The following PARD3 variants were observed in gnomAD, a reference collection of about 807,000 sequenced individuals.
The protein encoded by PARD3 is par-3 family cell polarity regulator.
A neutral mutation model predicts 155.4 loss-of-function variants in PARD3; 75 were observed. The observed-to-expected ratio is 0.48, with a 90% CI of 0.40 to 0.58. The LOEUF (loss-of-function observed/expected upper bound fraction) is 0.58. Ranked by LOEUF, PARD3 falls within the 20% of genes least tolerant of loss-of-function variation. The probability of loss-of-function intolerance (pLI) is 0.00; values close to 1 mark genes in which losing one functional copy is unlikely to be tolerated. For missense variants in PARD3, 1,642 were observed against 1,721.7 expected (o/e 0.95, Z 0.82); for synonymous variants, 576 against 610.5 (o/e 0.94, Z 0.83).
At chr10:34,695,447 C>T (rs910191733) in intron 2 of PARD3, among the ~76,000 whole-genome samples, 1 of 138,540 alleles carries the variant, frequency 7.2e-6, no homozygotes, top group African/African-American at 2.7e-5. Flanking sequence ...CACTGCATTC[C>T]AGTCTGGGCA....
chr10:34,487,708 A>G (rs1589750645), intron 3 of PARD3, among the ~76,000 whole-genome samples: 2 of 152,118 alleles, frequency 1.3e-5, no homozygotes, highest in Non-Finnish European at 2.9e-5. Context: ...CCTTATGAGA[A>G]TATCTGAGTG....
At chr10:34,471,456 C>G (rs2078338116) in intron 3 of PARD3, among the ~76,000 whole-genome samples, 1 of 152,174 alleles carries the variant, frequency 6.6e-6, no homozygotes, top group Admixed American at 6.5e-5. Context: ...TGAAATCACT[C>G]AAAAACATAA....
intron 21 of PARD3, among the ~76,000 whole-genome samples, chr10:34,283,556 C>T (rs909874368): frequency 6.6e-6 from 1 of 151,968 alleles, no homozygotes; most frequent in African/African-American, 2.4e-5. Flanking sequence ...GGAAATGATT[C>T]AACAATAGGT....
At chr10:34,502,163 A>T (rs1485219630) in intron 3 of PARD3, among the ~76,000 whole-genome samples, 2 of 152,208 alleles carry the variant, frequency 1.3e-5, no homozygotes, top group South Asian at 2.1e-4. Context: ...CTGTTGAAGC[A>T]GCCTGAATGG....
At chr10:34,174,626 G>T (rs1949954301) in intron 22 of PARD3, among the ~76,000 whole-genome samples, 1 of 152,170 alleles carries the variant, frequency 6.6e-6, no homozygotes, top group Non-Finnish European at 1.5e-5. Flanking sequence ...ATGAAGTAAG[G>T]AAGTCATCAA....
rs779597075 is a variant in PARD3 at position 34,802,347 on chromosome 10, A to G, written c.120+12529T>C. Among the ~76,000 whole-genome samples the G allele has an allele frequency of 6.6e-5, 10 of 152,222 alleles. 1 individual carries two copies. The highest frequency in any genetic ancestry group is 1.3e-4 in the Non-Finnish European group (9 of 68,030). On this transcript the variant is annotated intron_variant, in intron 1 of 24. Coordinates refer to ENST00000374788, the MANE Select transcript of PARD3 (RefSeq NM_001184785.2). ...AAAACAACACTTGATGTCATAAACAAGAATCAAGCTGATTTTGTGAAATAG... is the reference window on the plus strand; with the variant it reads ...AAAACAACACTTGATGTCATAAACAGGAATCAAGCTGATTTTGTGAAATAG...
At chr10:34,665,895 C>A (rs1344256433) in intron 2 of PARD3, among the ~76,000 whole-genome samples, 2 of 142,534 alleles carry the variant, frequency 1.4e-5, no homozygotes, top group East Asian at 2.0e-4. Context: ...CAGAACAGAA[C>A]AGAACAGAAC....
chr10:34,254,396 CAA>C (rs67045879), intron 22 of PARD3, among the ~76,000 whole-genome samples: 3 of 128,512 alleles, frequency 2.3e-5, no homozygotes, highest in African/African-American at 1.4e-4. Context: ...AAAACAAAAA[CAA>C]AAACAAAAAC....
At chr10:34,125,223 C>G (rs906931920) in intron 23 of PARD3, among the ~76,000 whole-genome samples, 1 of 152,042 alleles carries the variant, frequency 6.6e-6, no homozygotes, top group Non-Finnish European at 1.5e-5. Flanking sequence ...CCTGCCACCA[C>G]GCCCGGCTAA....
At chr10:34,376,577 T>C (rs776878329) in intron 10 of PARD3, among the ~76,000 whole-genome samples, 5 of 152,186 alleles carry the variant, frequency 3.3e-5, no homozygotes, top group Non-Finnish European at 5.9e-5. Context: ...CCTAACATAA[T>C]TTGTACTCAA....
chr10:34,432,430 T>C (rs1427633391), intron 5 of PARD3, among the ~76,000 whole-genome samples: 1 of 148,768 alleles, frequency 6.7e-6, no homozygotes, highest in East Asian at 2.0e-4. Context: ...CATAAAAAAT[T>C]AGAGAGAAGA....
chr10:34,794,150 G>C (rs1362503775), intron 1 of PARD3, among the ~76,000 whole-genome samples: 2 of 151,998 alleles, frequency 1.3e-5, no homozygotes, highest in African/African-American at 4.8e-5. Context: ...TATCACAAGG[G>C]GACAAGGGTT....
chr10:34,402,099 A>T lies in PARD3; in HGVS notation c.715-182T>A, dbSNP rs1020343531. On this transcript the variant is annotated intron_variant, in intron 5 of 24. Coordinates refer to ENST00000374788, the MANE Select transcript of PARD3 (RefSeq NM_001184785.2). ...TTGTAAAAAGCTAAAATTGAAAACA[A>T]GAGTCTCATGAGATAGTGTATCCCA... Among the ~76,000 whole-genome samples, 6 of 152,196 alleles carry T rather than the reference A, an allele frequency of 3.9e-5. No homozygotes were observed. The East Asian group carries it at 1.2e-3, about 29-fold the overall frequency.
intron 2 of PARD3, among the ~76,000 whole-genome samples, chr10:34,536,674 C>T (rs2083256463): frequency 6.6e-6 from 1 of 152,142 alleles, no homozygotes; most frequent in Admixed American, 6.5e-5. Context: ...ACAGTGTCCA[C>T]ACCAGAATAC....
At chr10:34,467,451 G>A (rs1317275648) in intron 4 of PARD3, among the ~76,000 whole-genome samples, 1 of 151,850 alleles carries the variant, frequency 6.6e-6, no homozygotes, top group African/African-American at 2.4e-5. Context: ...ATAGTAGCAT[G>A]TCATTTAAAA....
intron 22 of PARD3, among the ~76,000 whole-genome samples, chr10:34,264,085 A>G (rs1181949440): frequency 6.6e-6 from 1 of 152,212 alleles, no homozygotes; most frequent in East Asian, 1.9e-4. Context: ...AACTTTAGAT[A>G]GTGCAAAGGT....
At chr10:34,551,240 C>A (rs550757871) in intron 2 of PARD3, among the ~76,000 whole-genome samples, 1 of 152,234 alleles carries the variant, frequency 6.6e-6, no homozygotes, top group South Asian at 2.1e-4. Flanking sequence ...CGAAGCAGTG[C>A]CCTGTTCAGC....
At position 34,266,743 on chromosome 10, in the gene PARD3, C is replaced by A. The variant is rs1418706544; in HGVS notation, c.3419+2914G>T. Among the ~76,000 whole-genome samples, 4 of 152,178 alleles carry A rather than the reference C, an allele frequency of 2.6e-5. No homozygotes were observed. In the East Asian group the frequency reaches 7.7e-4, roughly 29 times the overall value. On this transcript the variant is annotated intron_variant, in intron 22 of 24. Coordinates refer to ENST00000374788, the MANE Select transcript of PARD3 (RefSeq NM_001184785.2). ...GAATGTTTCTCTGAGTGCATTTTGG[C>A]AGAAATTAGGAGGCTGAGTTTCAGT... is the stretch of plus-strand genomic sequence containing the variant.
intron 5 of PARD3, among the ~76,000 whole-genome samples, chr10:34,438,758 C>T (rs2132629296): frequency 6.6e-6 from 1 of 152,168 alleles, no homozygotes; most frequent in East Asian, 1.9e-4. Context: ...TCATAAATAT[C>T]ACAGAGAAAA....
Sources: allele counts gnomAD v4.1 joint callset (sites outside exome capture counted in the v4.1 genomes callset), GRCh38; gene constraint gnomAD v4.1.1; transcripts MANE v1.5; gene names NCBI Gene and HGNC (gene_info 2026-07-23, HGNC 2026-07-21).